The following CNTN3 variants were observed in gnomAD, a reference collection of about 807,000 sequenced individuals.
CNTN3 encodes the protein contactin-3.
A neutral mutation model predicts 119.1 loss-of-function variants in CNTN3; 60 were observed. The ratio of observed to expected loss-of-function variants is 0.50; its 90% confidence interval spans 0.41 to 0.62. The LOEUF (loss-of-function observed/expected upper bound fraction) is 0.62, where lower values mean the gene tolerates loss of function less well. CNTN3 is among the 20% of genes least tolerant of loss of function. The pLI is 0.00. For missense variants in CNTN3, 1,101 were observed against 1,242.4 expected (o/e 0.89, Z 1.71); for synonymous variants, 450 against 438.7 (o/e 1.03, Z -0.32).
intron 11 of CNTN3, among the ~76,000 whole-genome samples, chr3:74,346,461 G>C (rs1021244560): frequency 6.6e-6 from 1 of 151,822 alleles, no homozygotes; most frequent in Non-Finnish European, 1.5e-5. Flanking sequence ...AATGCTACTC[G>C]AGCAATGAAA....
intron 3 of CNTN3, among the ~76,000 whole-genome samples, chr3:74,497,007 T>G (rs1703077951): frequency 6.6e-6 from 1 of 152,048 alleles, no homozygotes; most frequent in African/African-American, 2.4e-5. Context: ...ATTCTTTAAC[T>G]TTATTCTGAA....
chr3:74,488,633 C>T (rs1427061902), intron 3 of CNTN3, among the ~76,000 whole-genome samples: 2 of 152,152 alleles, frequency 1.3e-5, no homozygotes, highest in South Asian at 4.1e-4. Context: ...TTAATCCTTA[C>T]TGCTCAAAGT....
At chr3:74,401,503 C>G (rs1053761699) in intron 5 of CNTN3, among the ~76,000 whole-genome samples, 5 of 150,300 alleles carry the variant, frequency 3.3e-5, no homozygotes, top group Admixed American at 2.6e-4. Flanking sequence ...GCACACACCA[C>G]ACACGCGCGC....
chr3:74,464,139 T>A (rs1245008517), intron 4 of CNTN3, among the ~76,000 whole-genome samples: 1 of 152,126 alleles, frequency 6.6e-6, no homozygotes, highest in Middle Eastern at 3.2e-3. Context: ...CCTCCTACAA[T>A]CTGTGTTACC....
At chr3:74,487,829 T>C (rs1702886090) in intron 3 of CNTN3, among the ~76,000 whole-genome samples, 1 of 152,080 alleles carries the variant, frequency 6.6e-6, no homozygotes, top group Admixed American at 6.6e-5. Context: ...TTTATAAACA[T>C]GGCTGACTCA....
At chr3:74,488,637 T>A (rs559691392) in intron 3 of CNTN3, among the ~76,000 whole-genome samples, 13 of 152,300 alleles carry the variant, frequency 8.5e-5, no homozygotes, top group African/African-American at 2.9e-4. Context: ...TCCTTACTGC[T>A]CAAAGTTTAT....
chr3:74,391,143 G>A (rs1704888569), intron 5 of CNTN3, among the ~76,000 whole-genome samples: 1 of 152,146 alleles, frequency 6.6e-6, no homozygotes, highest in Non-Finnish European at 1.5e-5. Flanking sequence ...CTTGTTTGAT[G>A]CAAACAGGCT....
At chr3:74,310,559 G>T (rs1702660512) in intron 13 of CNTN3, among the ~76,000 whole-genome samples, 1 of 152,166 alleles carries the variant, frequency 6.6e-6, no homozygotes, top group Admixed American at 6.6e-5. Context: ...AGAAGGACCT[G>T]TCCACAGCTG....
intron 1 of CNTN3, among the ~76,000 whole-genome samples, chr3:74,534,046 T>C (rs1408887066): frequency 6.6e-6 from 1 of 152,026 alleles, no homozygotes; most frequent in Non-Finnish European, 1.5e-5. Flanking sequence ...ATCAGAAGAC[T>C]GGAGAATCAG....
At chr3:74,509,633 G>A (rs1226603291) in intron 2 of CNTN3, among the ~76,000 whole-genome samples, 1 of 152,118 alleles carries the variant, frequency 6.6e-6, no homozygotes, top group African/African-American at 2.4e-5. Context: ...TAATGGCACA[G>A]ATTATAAATA....
rs533911637 is a variant in CNTN3, at chr3:74,436,758, A to G, written c.359-11818T>C. ...AGACAACCATAAAAGCTGGAAATAC[A>G]AAACAAAAATCTTCATTCTGTTTAT... On this transcript the variant is annotated intron_variant, in intron 4 of 22. Coordinates refer to ENST00000263665, the MANE Select transcript of CNTN3 (RefSeq NM_020872.3). Among the ~76,000 whole-genome samples the G allele has an allele frequency of 1.8e-3, 273 of 152,330 alleles. 2 individuals are homozygous for G. The highest frequency in any genetic ancestry group is 6.3e-3 in the African/African-American group (261 of 41,576).
intron 11 of CNTN3, among the ~76,000 whole-genome samples, chr3:74,347,214 A>C (rs1703712690): frequency 6.6e-6 from 1 of 152,162 alleles, no homozygotes; most frequent in Non-Finnish European, 1.5e-5. Flanking sequence ...TACCTCAAGA[A>C]TACACAGTCT....
At chr3:74,550,546 T>C (rs1703975369) in intron 1 of CNTN3, among the ~76,000 whole-genome samples, 3 of 152,122 alleles carry the variant, frequency 2.0e-5, no homozygotes, top group South Asian at 4.1e-4. Flanking sequence ...GGTGTTATTA[T>C]TATTATTATT....
intron 11 of CNTN3, among the ~76,000 whole-genome samples, chr3:74,359,295 T>C (rs1704023880): frequency 6.6e-6 from 1 of 152,150 alleles, no homozygotes; most frequent in South Asian, 2.1e-4. Context: ...ATGATCTCAT[T>C]CTTATAGATC....
At position 74,584,719 on chromosome 3, in the gene CNTN3, C is replaced by T. The variant is rs574509209; in HGVS notation, c.-81+29672G>A. Among the ~76,000 whole-genome samples, 15 of 152,270 alleles carry T rather than the reference C, an allele frequency of 9.9e-5. 1 individual carries two copies. The South Asian group carries it at 2.5e-3, about 25-fold the overall frequency. ...ACATAAGGTCTGCAATGTACTTTGA[C>T]GTGTTATATATGTATTATTGCATAT... On this transcript the variant is annotated intron_variant, in intron 1 of 22. Coordinates refer to ENST00000263665, the MANE Select transcript of CNTN3 (RefSeq NM_020872.3).
chr3:74,282,810 A>G (rs1416157262), intron 20 of CNTN3, among the ~76,000 whole-genome samples: 1 of 152,166 alleles, frequency 6.6e-6, no homozygotes, highest in Non-Finnish European at 1.5e-5. Flanking sequence ...GTACATATTT[A>G]AAAATTATTA....
chr3:74,282,505 G>A (rs1021927043), intron 20 of CNTN3, among the ~76,000 whole-genome samples: 2 of 152,098 alleles, frequency 1.3e-5, no homozygotes, highest in Non-Finnish European at 2.9e-5. Flanking sequence ...CCTATGTGCT[G>A]GGTTTGTGCT....
Position 74,427,357 on chromosome 3 carries a change from G to C in CNTN3, c.359-2417C>G, listed in dbSNP as rs184114963. 2.2e-3 allele frequency among the ~76,000 whole-genome samples: 336 copies of C among 152,290 alleles called. 1 individual carries two copies. The highest frequency in any genetic ancestry group is 7.7e-3 in the African/African-American group (320 of 41,554). Reference sequence around the variant, plus strand: ...AGACGGACAGTAGTAGTAGCAGTCAGAGGGCCAGGGTGGGCATTTTTCTGA... The same window carrying C: ...AGACGGACAGTAGTAGTAGCAGTCACAGGGCCAGGGTGGGCATTTTTCTGA... On this transcript the variant is annotated intron_variant, in intron 4 of 22. Transcript: ENST00000263665.
chr3:74,419,557 C>T (rs1204206363), intron 5 of CNTN3, among the ~76,000 whole-genome samples: 5 of 152,192 alleles, frequency 3.3e-5, no homozygotes, highest in Non-Finnish European at 5.9e-5. Context: ...CTCACATTCT[C>T]GTTTTTCCAT....
Sources: allele counts gnomAD v4.1 joint callset (sites outside exome capture counted in the v4.1 genomes callset), GRCh38; gene constraint gnomAD v4.1.1; transcripts MANE v1.5; gene names NCBI Gene and HGNC (gene_info 2026-07-23, HGNC 2026-07-21).